CCSER1: variants seen among roughly 807,000 people sequenced by gnomAD.
CCSER1 encodes coiled-coil serine rich protein 1.
In CCSER1, 41 loss-of-function variants were observed where a neutral mutation model predicts 82.0. The ratio of observed to expected loss-of-function variants is 0.50; its 90% CI spans 0.39 to 0.65. The LOEUF (loss-of-function observed/expected upper bound fraction) is 0.65. CCSER1 is among the 30% of genes least tolerant of loss of function. The pLI, the probability that CCSER1 is intolerant of heterozygous loss-of-function variation, is 0.00. For synonymous variants in CCSER1, 414 were observed against 383.9 expected (o/e 1.08, Z -0.92); for missense variants, 1,119 against 1,064.2 (o/e 1.05, Z -0.72).
At chr4:90,362,476 C>A (rs4693238) in intron 3 of CCSER1, among the ~76,000 whole-genome samples, 2 of 152,040 alleles carry the variant, frequency 1.3e-5, no homozygotes, top group Non-Finnish European at 2.9e-5. Context: ...TACATAAATT[C>A]TTTCCTTTAG....
At chr4:91,597,605 T>C (rs1764645317) in intron 10 of CCSER1, among the ~76,000 whole-genome samples, 1 of 152,110 alleles carries the variant, frequency 6.6e-6, no homozygotes, top group African/African-American at 2.4e-5. Context: ...TTATGCCAAA[T>C]TAGTAATATT....
chr4:91,162,646 G>A (rs1049851949), intron 10 of CCSER1, among the ~76,000 whole-genome samples: 6 of 151,976 alleles, frequency 3.9e-5, no homozygotes, highest in Non-Finnish European at 8.8e-5. Flanking sequence ...ACTTCTTCCT[G>A]GTTTAGTCTT....
intron 10 of CCSER1, among the ~76,000 whole-genome samples, chr4:91,381,924 G>T (rs1750929431): frequency 6.6e-6 from 1 of 152,170 alleles, no homozygotes; most frequent in Admixed American, 6.5e-5. Flanking sequence ...GGGTTTTGGT[G>T]TAGATGTCCT....
intron 10 of CCSER1, among the ~76,000 whole-genome samples, chr4:91,450,304 A>G (rs566707326): frequency 6.6e-6 from 1 of 152,048 alleles, no homozygotes. Context: ...GGGAAAAAAA[A>G]CCATCAAAAC....
At chr4:91,100,249 A>G (rs545142413) in intron 10 of CCSER1, among the ~76,000 whole-genome samples, 1 of 152,330 alleles carries the variant, frequency 6.6e-6, no homozygotes, top group East Asian at 1.9e-4. Context: ...AGAACTACAC[A>G]TTACAAGACC....
intron 8 of CCSER1, among the ~76,000 whole-genome samples, chr4:90,880,856 C>T (rs1443351391): frequency 2.0e-5 from 3 of 151,926 alleles, no homozygotes; most frequent in African/African-American, 2.4e-5. Context: ...GTCATGCCTG[C>T]GTGGGCCGTC....
chr4:90,895,303 A>G (rs931013921), intron 8 of CCSER1, among the ~76,000 whole-genome samples: 1 of 151,952 alleles, frequency 6.6e-6, no homozygotes, highest in Non-Finnish European at 1.5e-5. Flanking sequence ...AGTTAATAAT[A>G]TAAGCAGATG....
Position 90,911,279 on chromosome 4 carries a change from AGAG to A in CCSER1, c.2095-12086_2095-12084del, listed in dbSNP as rs548378829. The A allele has an allele frequency of 1.7e-4, 77 of 456,138 alleles. No individual in the cohort carries two copies. The Admixed American group carries it at 1.8e-3, about 11-fold the overall frequency. 28.3% of individuals were successfully genotyped at this position (456,138 alleles called of 1,614,324 possible). A position where few individuals can be genotyped will look rare whatever the true frequency, so the allele number is the denominator to read the frequency against. ...GCTCCCGAAAATTTTGTGTTCCATG[AGAG>A]GAGGTTTTATTTGCTTGGCTGTGTT... is the stretch of plus-strand genomic sequence containing the variant. On this transcript the variant is annotated intron_variant, in intron 8 of 10. Transcript: ENST00000509176.
At chr4:90,941,069 CACTT>C (rs1414668430) in intron 9 of CCSER1, among the ~76,000 whole-genome samples, 13 of 151,976 alleles carry the variant, frequency 8.6e-5, no homozygotes, top group African/African-American at 2.4e-4. Flanking sequence ...CAATGGTAAA[CACTT>C]ACTATGTGAA....
At chr4:90,967,435 C>T (rs1734677104) in intron 9 of CCSER1, among the ~76,000 whole-genome samples, 1 of 151,534 alleles carries the variant, frequency 6.6e-6, no homozygotes, top group African/African-American at 2.4e-5. Flanking sequence ...GGCGACAGAG[C>T]AAGACTTTGT....
chr4:91,409,001 TG>T (rs1002424315), intron 10 of CCSER1, among the ~76,000 whole-genome samples: 12 of 152,148 alleles, frequency 7.9e-5, no homozygotes, highest in Admixed American at 2.6e-4. Flanking sequence ...TTATTTGCTG[TG>T]GGGGAAAACA....
rs868426960 is a variant in CCSER1 at position 90,512,091 on chromosome 4, G to T, written c.1724+43737G>T. On this transcript the variant is annotated intron_variant, in intron 5 of 10. Transcript: ENST00000509176. The stretch of plus-strand genomic sequence containing the variant: ...AACTGGGCAACATACATATTTTTCC[G>T]TAGATATGTGGTCACAGATCATTTT... 2.6e-5 allele frequency among the ~76,000 whole-genome samples: 4 copies of T among 152,186 alleles called. 1 individual carries two copies. The highest frequency in any genetic ancestry group is 6.8e-3 in the Middle Eastern group (2 of 294).
At chr4:91,218,245 G>T (rs1020424418) in intron 10 of CCSER1, among the ~76,000 whole-genome samples, 19 of 152,226 alleles carry the variant, frequency 1.2e-4, no homozygotes, top group Non-Finnish European at 5.9e-5. Flanking sequence ...GGCCAGAAGG[G>T]TTGGCTGGCT....
At chr4:90,174,345 A>G (rs1466441501) in intron 1 of CCSER1, among the ~76,000 whole-genome samples, 1 of 152,000 alleles carries the variant, frequency 6.6e-6, no homozygotes, top group Non-Finnish European at 1.5e-5. Context: ...ATCAGATCTG[A>G]CCTTCCACTG....
chr4:91,185,767 G>A (rs1183578923), intron 10 of CCSER1, among the ~76,000 whole-genome samples: 1 of 152,136 alleles, frequency 6.6e-6, no homozygotes, highest in South Asian at 2.1e-4. Context: ...CTGACTCTCT[G>A]AATTTTTCTA....
At chr4:91,589,540 G>A (rs151175177) in intron 10 of CCSER1, among the ~76,000 whole-genome samples, 4 of 149,486 alleles carry the variant, frequency 2.7e-5, no homozygotes, top group African/African-American at 9.8e-5. Flanking sequence ...ATATGTGCTA[G>A]GTGTTGGGCA....
In CCSER1 at chr4:91,462,300, T is replaced by A. The variant is rs551114129; in HGVS notation, c.2218-136272T>A. On this transcript the variant is annotated intron_variant, in intron 10 of 10. Coordinates refer to ENST00000509176, the MANE Select transcript of CCSER1 (RefSeq NM_001145065.2). ...AATATGTCATTATATTTTGTACGTA[T>A]CAGATATTGAAGCTCTCTTCTAAAA... Among the ~76,000 whole-genome samples the A allele has an allele frequency of 4.6e-5, 7 of 152,326 alleles. No homozygotes were observed. In the East Asian group the frequency reaches 7.7e-4, roughly 17 times the overall value.
intron 10 of CCSER1, among the ~76,000 whole-genome samples, chr4:91,378,141 T>C (rs1051342093): frequency 6.6e-6 from 1 of 152,236 alleles, no homozygotes; most frequent in African/African-American, 2.4e-5. Flanking sequence ...CATGCTGTTT[T>C]GGTTACCGTA....
intron 5 of CCSER1, among the ~76,000 whole-genome samples, chr4:90,551,430 A>G (rs951155329): frequency 3.9e-5 from 6 of 151,932 alleles, no homozygotes; most frequent in Non-Finnish European, 7.4e-5. Flanking sequence ...CTCAGAGCGC[A>G]CTTTTCTATC....
Sources: gnomAD v4.1 joint callset for allele counts (sites outside exome capture counted in the v4.1 genomes callset) on GRCh38, gnomAD v4.1.1 for gene constraint, MANE v1.5 for transcripts, NCBI Gene and HGNC (gene_info 2026-07-23, HGNC 2026-07-21) for gene names.